Variants in CUTA observed in about 807,000 individuals in gnomAD.
The protein encoded by CUTA is protein CutA.
In CUTA, 21 loss-of-function variants were observed where a neutral mutation model predicts 20.7. The ratio of observed to expected loss-of-function variants is 1.01; its 90% confidence interval spans 0.72 to 1.46. CUTA has a LOEUF of 1.46. Ranked by LOEUF, CUTA falls within the 40% of genes most tolerant of loss-of-function variation. The probability of loss-of-function intolerance (pLI) is 0.00; values close to 1 mark genes in which losing one functional copy is unlikely to be tolerated. For missense variants in CUTA, 231 were observed against 226.8 expected, an observed-to-expected ratio of 1.02 and a Z score of -0.12; for synonymous variants, 99 against 97.9, an observed-to-expected ratio of 1.01 and a Z score of -0.07.
chr6:33,416,636 A>T lies in CUTA; in HGVS notation c.*14T>A. The T allele has an allele frequency of 7.1e-7, 1 of 1,412,288 alleles. No homozygotes were observed. The highest frequency in any genetic ancestry group is 1.0e-6 in the Non-Finnish European group (1 of 996,206). 87.5% of individuals were successfully genotyped at this position (1,412,288 alleles called of 1,614,324 possible). On this transcript the variant is annotated 3_prime_UTR_variant, in exon 6 of 6. Transcript: ENST00000488034. ...TATCGCGGGGATCTTCATGATGAGC[A>T]GGAACAGGGCTCATCATGGCAGGAC... is the stretch of plus-strand genomic sequence containing the variant.
intron 2 of CUTA, 22 bp from the exon 3 acceptor site, chr6:33,417,332 A>G (rs1562862587): frequency 1.9e-6 from 3 of 1,614,196 alleles, no homozygotes; most frequent in Non-Finnish European, 2.5e-6. Context: ...AGACAGTCCC[A>G]TTCAGAGTAC....
rs939650408 is a variant in CUTA at position 33,416,716 on chromosome 6, A to G, written c.474T>C (p.Phe158=). Reference sequence around the variant, plus strand: ...CCTGGCGCACCCACTGCAGGTACGGAAAGTTCCCCTGTTCCACAGGCAATG... The same window carrying G: ...CCTGGCGCACCCACTGCAGGTACGGGAAGTTCCCCTGTTCCACAGGCAATG... ...VIALPVEQGN[F]PYLQWVRQVT... is the part of the protein sequence containing the mutation. The change falls in exon 6 of 6, where the codon TTT becomes TTC. Residue 158 remains phenylalanine, a synonymous_variant. Coordinates refer to ENST00000488034, the MANE Select transcript of CUTA (RefSeq NM_001014840.2). 1.9e-6 allele frequency: 3 copies of G among 1,614,138 alleles called. No homozygotes were observed. The highest frequency in any genetic ancestry group is 2.5e-6 in the Non-Finnish European group (3 of 1,180,018).
At chr6:33,417,873 C>CA in intron 1 of CUTA, 86 bp downstream of exon 1, 3 of 1,561,704 alleles carry the variant, frequency 1.9e-6, no homozygotes, top group Non-Finnish European at 2.6e-6. Context: ...ACTCACACCT[C>CA]AGGGGGCCAA....
rs1776555058 is a variant in CUTA, at chr6:33,417,096, C to A, written c.363+1G>T. 1 of 1,611,486 alleles carries A rather than the reference C, an allele frequency of 6.2e-7. No individual in the cohort carries two copies. Among genetic ancestry groups the A allele is most frequent in the African/African-American group, 1.3e-5 (1 of 74,958 alleles). ...TGTTGGGTGGGGGAAATGTTTCTCACCATCAGCACCTCACTGTCTTCCTCG... is the reference window on the plus strand; with the variant it reads ...TGTTGGGTGGGGGAAATGTTTCTCAACATCAGCACCTCACTGTCTTCCTCG... On this transcript the variant is annotated splice_donor_variant, in intron 4 of 5. Coordinates refer to ENST00000488034, the MANE Select transcript of CUTA (RefSeq NM_001014840.2). LOFTEE classifies it high-confidence loss of function.
chr6:33,417,622 C>A lies in CUTA; in HGVS notation c.116G>T (p.Arg39Leu). Residue 39 changes from arginine (R) to leucine (L), a missense_variant, in exon 2 of 6, where the codon CGA becomes CTA. Coordinates refer to ENST00000488034, the MANE Select transcript of CUTA (RefSeq NM_001014840.2). ...PVASRLLLLP[R>L]VLLTMASGSP... ...TCCAGAGGCCATGGTCAGCAAGACT[C>A]GGGGTAGCAACAAAAGGCGGGAGGC... is the stretch of plus-strand genomic sequence containing the variant. 2 of 1,613,866 alleles carry A rather than the reference C, an allele frequency of 1.2e-6. No individual in the cohort carries two copies. The highest frequency in any genetic ancestry group is 1.7e-6 in the Non-Finnish European group (2 of 1,179,930).
Position 33,417,059 on chromosome 6 carries a change from T to C in CUTA, c.363+38A>G, listed in dbSNP as rs760698289. 3.1e-6 allele frequency: 5 copies of C among 1,611,658 alleles called. No individual in the cohort carries two copies. The African/African-American group carries it at 4.0e-5, about 13-fold the overall frequency. ...GGGTAAGGGCTAAAGGGGTCAGGGATTGGGGATATTTTGTTGGGTGGGGGA... is the reference window on the plus strand; with the variant it reads ...GGGTAAGGGCTAAAGGGGTCAGGGACTGGGGATATTTTGTTGGGTGGGGGA... On this transcript the variant is annotated intron_variant, in intron 4 of 5. Coordinates refer to ENST00000488034, the MANE Select transcript of CUTA (RefSeq NM_001014840.2).
rs1020917695 is a variant in CUTA, at chr6:33,416,491, G to A, written c.*159C>T. On this transcript the variant is annotated 3_prime_UTR_variant, in exon 6 of 6. Coordinates refer to ENST00000488034, the MANE Select transcript of CUTA (RefSeq NM_001014840.2). The stretch of plus-strand genomic sequence containing the variant: ...GATGTAGAGAATACAGGGACTAGAA[G>A]CACTTATATTCTCCCAACAAATTTG... 1.2e-4 allele frequency: 77 copies of A among 639,704 alleles called. No individual in the cohort carries two copies. Among genetic ancestry groups the A allele is most frequent in the Non-Finnish European group, 3.2e-5 (11 of 349,148 alleles). The allele number at this position is 639,704 out of a possible 1,614,324, so 39.6% of individuals were successfully genotyped here. A position where few individuals can be genotyped will look rare whatever the true frequency, so the allele number is the denominator to read the frequency against.
In CUTA at chr6:33,417,240, C is replaced by T; in HGVS notation, c.317+11G>A. 3.7e-6 allele frequency: 6 copies of T among 1,614,206 alleles called. No homozygotes were observed. The highest frequency in any genetic ancestry group is 5.1e-6 in the Non-Finnish European group (6 of 1,180,042). ...TACAGTTAGGTTAACCCCCCAACTC[C>T]TATGACTCACATGGATGTAATCTGA... On this transcript the variant is annotated intron_variant, in intron 3 of 5. Transcript: ENST00000488034.
At position 33,417,552 on chromosome 6, in the gene CUTA, G is replaced by C. The variant is rs1162881513; in HGVS notation, c.186C>G (p.Gly62=). The change falls in exon 2 of 6, where the codon GGC becomes GGG. Residue 62 remains glycine (G), a synonymous_variant. Coordinates refer to ENST00000488034, the MANE Select transcript of CUTA (RefSeq NM_001014840.2). ...CTGCAGAGACCGAGCCCGGAACGTAGCCAGAGCCGGAATCCGAGGCCGGCG... is the reference window on the plus strand; with the variant it reads ...CTGCAGAGACCGAGCCCGGAACGTACCCAGAGCCGGAATCCGAGGCCGGCG... The part of the protein sequence containing the change: ...QPSPASDSGS[G]YVPGSVSAAF... 9 of 1,614,172 alleles carry C rather than the reference G, an allele frequency of 5.6e-6. No individual in the cohort carries two copies. Among genetic ancestry groups the C allele is most frequent in the Admixed American group, 1.7e-5 (1 of 60,022 alleles).
In CUTA at chr6:33,416,526, CA is replaced by C; in HGVS notation, c.*123del. ...TCTCCCAACAAATTTGCATACATGA[CA>C]AAAAACAGGCAAAAGGCAGAGAGAC... On this transcript the variant is annotated 3_prime_UTR_variant, in exon 6 of 6. Coordinates refer to ENST00000488034, the MANE Select transcript of CUTA (RefSeq NM_001014840.2). 1 of 708,824 alleles carries C rather than the reference CA, an allele frequency of 1.4e-6. No homozygotes were observed. 43.9% of individuals were successfully genotyped at this position (708,824 alleles called of 1,614,324 possible).
In CUTA at chr6:33,418,027, G is replaced by A. The variant is rs201453702; in HGVS notation, c.-27C>T. On this transcript the variant is annotated 5_prime_UTR_variant, in exon 1 of 6. Transcript: ENST00000488034. This position sits in a 1 kb window ranked among gnomAD's most constrained non-coding sequence, Gnocchi z 5.7. ...CGGCCTACGCTGGTACAGGAGAGTT[G>A]ATCTCAAAGGCCACACGTCACACGG... 6.2e-7 allele frequency: 1 copy of A among 1,614,066 alleles called. No individual in the cohort carries two copies. The highest frequency in any genetic ancestry group is 1.7e-5 in the Admixed American group (1 of 60,030).
rs765549301 is a variant in CUTA, at chr6:33,416,984, T to TA, written c.364-16dup. On this transcript the variant is annotated splice_polypyrimidine_tract_variant and intron_variant, in intron 4 of 5. Transcript: ENST00000488034. Reference sequence around the variant, plus strand: ...GTTTTAATCATCTAAGGGACAAAGATAAACATGGTTGAATCAAGGAGTGGG... The same window carrying TA: ...GTTTTAATCATCTAAGGGACAAAGATAAAACATGGTTGAATCAAGGAGTGGG... 9 of 1,613,836 alleles carry TA rather than the reference T, an allele frequency of 5.6e-6. No homozygotes were observed. In the Admixed American group the frequency reaches 1.0e-4, roughly 18 times the overall value.
rs762618918 is a variant in CUTA at position 33,417,568 on chromosome 6, G to A, written c.170C>T (p.Ser57Leu). ...CGGAACGTAGCCAGAGCCGGAATCC[G>A]AGGCCGGCGAGGGCTGGGTCGGAGG... ...GSPPTQPSPASDSGSGYVPGS... is the reference protein window; with the variant it reads ...GSPPTQPSPALDSGSGYVPGS... Residue 57 changes from serine (S) to leucine (L), a missense_variant, in exon 2 of 6, where the codon TCG becomes TTG. By Grantham distance (145) the Ser-to-Leu change is moderately radical (BLOSUM62 -2). Coordinates refer to ENST00000488034, the MANE Select transcript of CUTA (RefSeq NM_001014840.2). The A allele has an allele frequency of 5.0e-6, 8 of 1,614,172 alleles. No homozygotes were observed. Among genetic ancestry groups the A allele is most frequent in the Non-Finnish European group, 6.8e-6 (8 of 1,180,042 alleles).
intron 5 of CUTA, 35 bp downstream of exon 5, chr6:33,416,885 A>G: frequency 6.2e-7 from 1 of 1,612,988 alleles, no homozygotes; most frequent in Non-Finnish European, 8.5e-7. Flanking sequence ...CCCACACAGT[A>G]CACACCCTCA....
chr6:33,416,721 TC>T lies in CUTA; in HGVS notation c.468del (p.Asn157ThrfsTer32). The stretch of plus-strand genomic sequence containing the variant: ...CGCACCCACTGCAGGTACGGAAAGT[TC>T]CCCTGTTCCACAGGCAATGCAATTA... ...AEVIALPVEQ[G>X]NFPYLQWVRQ... On this transcript the variant is annotated frameshift_variant, in exon 6 of 6. Coordinates refer to ENST00000488034, the MANE Select transcript of CUTA (RefSeq NM_001014840.2). LOFTEE classifies it high-confidence loss of function. 6.2e-7 allele frequency: 1 copy of T among 1,614,038 alleles called. No homozygotes were observed. The highest frequency in any genetic ancestry group is 8.5e-7 in the Non-Finnish European group (1 of 1,179,996).
intron 5 of CUTA, 66 bp from the exon 6 acceptor site, chr6:33,416,842 AC>A: frequency 6.2e-7 from 1 of 1,606,220 alleles, no homozygotes; most frequent in Non-Finnish European, 8.5e-7. Context: ...CCACTCCCTT[AC>A]ACGCAAGCCC....
In CUTA at chr6:33,416,721, T is replaced by G; in HGVS notation, c.469A>C (p.Asn157His). ...CGCACCCACTGCAGGTACGGAAAGT[T>G]CCCCTGTTCCACAGGCAATGCAATT... ...EVIALPVEQG[N>H]FPYLQWVRQV... The change falls in exon 6 of 6, where the codon AAC becomes CAC. Residue 157 changes from asparagine to histidine, a missense_variant. Coordinates refer to ENST00000488034, the MANE Select transcript of CUTA (RefSeq NM_001014840.2). 1 of 1,614,038 alleles carries G rather than the reference T, an allele frequency of 6.2e-7. No individual in the cohort carries two copies. Among genetic ancestry groups the G allele is most frequent in the East Asian group, 2.2e-5 (1 of 44,868 alleles).
In CUTA at chr6:33,417,275, T is replaced by C. The variant is rs371639766; in HGVS notation, c.293A>G (p.Asn98Ser). Residue 98 changes from asparagine to serine, a missense_variant, in exon 3 of 6, where the codon AAC (asparagine) becomes AGC (serine). Physicochemically the swap from Asn to Ser is conservative, Grantham distance 46 (BLOSUM62 1). Transcript: ENST00000488034. ...CATGGATGTAATCTGAGGGATGAGG[T>C]TGACGCAGGCTGCTAGGCGCTTCTC... ...VVEKRLAACVNLIPQITSIYE... is the reference protein window; with the variant it reads ...VVEKRLAACVSLIPQITSIYE... The C allele has an allele frequency of 4.3e-6, 7 of 1,613,996 alleles. No individual in the cohort carries two copies. The highest frequency in any genetic ancestry group is 2.2e-5 in the South Asian group (2 of 91,086).
At chr6:33,417,925 G>C in intron 1 of CUTA, 34 bp downstream of exon 1, 1 of 1,597,540 alleles carries the variant, frequency 6.3e-7, no homozygotes, top group Non-Finnish European at 8.5e-7. Context: ...AGGCTTCGAG[G>C]ACCGGAAGGG....
Sources: allele counts gnomAD v4.1 joint callset, GRCh38; gene constraint gnomAD v4.1.1; non-coding constraint Gnocchi (gnomAD v3.1); transcripts MANE v1.5; gene names NCBI Gene and HGNC (gene_info 2026-07-23, HGNC 2026-07-21).